The following DSC2 variants were observed in gnomAD, a reference collection of about 807,000 sequenced individuals.
DSC2 encodes the protein desmocollin 2.
A neutral mutation model predicts 87.6 loss-of-function variants in DSC2; 51 were observed. That is an observed-to-expected ratio of 0.58 (90% CI 0.46 to 0.74). DSC2 has a LOEUF of 0.74. DSC2 is among the 30% of genes least tolerant of loss of function. The pLI, the probability that DSC2 is intolerant of heterozygous loss-of-function variation, is 0.00. For synonymous variants in DSC2, 383 were observed against 393.2 expected, an observed-to-expected ratio of 0.97 and a Z score of 0.31; for missense variants, 1,066 against 1,089.5, an observed-to-expected ratio of 0.98 and a Z score of 0.30.
intron 1 of DSC2, among the ~76,000 whole-genome samples, chr18:31,096,341 G>C (rs950295178): frequency 2.0e-5 from 3 of 152,186 alleles, no homozygotes; most frequent in Admixed American, 6.5e-5. Flanking sequence ...ACAGTGATAA[G>C]AGGAACTCAG....
intron 1 of DSC2, among the ~76,000 whole-genome samples, chr18:31,098,549 G>C (rs1987836633): frequency 6.6e-6 from 1 of 151,920 alleles, no homozygotes; most frequent in Admixed American, 6.6e-5. Context: ...CCACCTCCCG[G>C]GTTCAAGTGA....
intron 11 of DSC2, among the ~76,000 whole-genome samples, chr18:31,079,157 T>C (rs1936269680): frequency 6.6e-6 from 1 of 152,220 alleles, no homozygotes; most frequent in Admixed American, 6.5e-5. Context: ...AGGACTGCAC[T>C]ATGTAAGTAT....
chr18:31,071,947 T>A, intron 12 of DSC2, 106 bp from the exon 13 acceptor site: 1 of 1,016,366 alleles, frequency 9.8e-7, no homozygotes, highest in Non-Finnish European at 1.5e-6. Flanking sequence ...AAACAGATAT[T>A]CCTGATGGGA....
intron 3 of DSC2, 105 bp from the exon 4 acceptor site, chr18:31,091,252 G>A: frequency 2.1e-6 from 3 of 1,417,814 alleles, no homozygotes; most frequent in Non-Finnish European, 1.9e-6. Flanking sequence ...AGCTGGGTAG[G>A]GGTGAGACCA....
intron 1 of DSC2, among the ~76,000 whole-genome samples, chr18:31,096,259 T>C (rs1987757348): frequency 6.6e-6 from 1 of 152,122 alleles, no homozygotes; most frequent in Non-Finnish European, 1.5e-5. Context: ...TTTTCAAACA[T>C]CCTAAAGCAT....
chr18:31,101,876 C>G (rs1321829630), intron 1 of DSC2, 27 bp downstream of exon 1: 8 of 1,530,148 alleles, frequency 5.2e-6, no homozygotes, highest in South Asian at 1.2e-5. Flanking sequence ...CCCCCTTCCC[C>G]GGAGCGGTGG....
At chr18:31,085,213 C>G (rs1384414206) in intron 7 of DSC2, among the ~76,000 whole-genome samples, 1 of 151,922 alleles carries the variant, frequency 6.6e-6, no homozygotes, top group Non-Finnish European at 1.5e-5. Flanking sequence ...GTCAGATTGC[C>G]TTTATATATG....
At chr18:31,094,595 A>G (rs935262329) in intron 1 of DSC2, among the ~76,000 whole-genome samples, 1 of 152,242 alleles carries the variant, frequency 6.6e-6, no homozygotes, top group Admixed American at 6.5e-5. Context: ...CTTTGACCAA[A>G]AGCAAGACAG....
chr18:31,100,212 C>T (rs933894974), intron 1 of DSC2, among the ~76,000 whole-genome samples: 1 of 152,126 alleles, frequency 6.6e-6, no homozygotes, highest in Non-Finnish European at 1.5e-5. Context: ...CCACTCCCCG[C>T]CTATCAAACT....
At chr18:31,083,745 T>G (rs974018630) in intron 7 of DSC2, among the ~76,000 whole-genome samples, 4 of 152,198 alleles carry the variant, frequency 2.6e-5, no homozygotes, top group Non-Finnish European at 5.9e-5. Flanking sequence ...TCTTAAGGCT[T>G]TCAATTTATC....
At chr18:31,098,088 C>T (rs1468747487) in intron 1 of DSC2, among the ~76,000 whole-genome samples, 4 of 151,964 alleles carry the variant, frequency 2.6e-5, no homozygotes, top group Admixed American at 6.6e-5. Flanking sequence ...TTTGACTTTG[C>T]TTGTTGTGTT....
rs1002646457 is a variant in DSC2, at chr18:31,092,218, G to A, written c.237C>T (p.Val79=). The A allele has an allele frequency of 7.4e-6, 12 of 1,613,594 alleles. No homozygotes were observed. Among genetic ancestry groups the A allele is most frequent in the African/African-American group, 2.7e-5 (2 of 74,892 alleles). ...PDFQILEDGS[V]YTTNTILLSS... Reference sequence around the variant, plus strand: ...ACAATAGAATAGTATTTGTTGTATAGACTGAACCATCCTCCAAAATTTGGA... The same window carrying A: ...ACAATAGAATAGTATTTGTTGTATAAACTGAACCATCCTCCAAAATTTGGA... The change falls in exon 3 of 16, where the codon GTC becomes GTT. Residue 79 remains valine (V), a synonymous_variant. Coordinates refer to ENST00000280904, the MANE Select transcript of DSC2 (RefSeq NM_024422.6).
intron 3 of DSC2, chr18:31,091,467 G>A: frequency 2.0e-6 from 1 of 490,130 alleles, no homozygotes; most frequent in South Asian, 1.5e-5. Context: ...ATGGGAGAGA[G>A]ATATGCAAAG....
chr18:31,069,358 G>A (rs1986750778), intron 14 of DSC2, among the ~76,000 whole-genome samples: 1 of 152,168 alleles, frequency 6.6e-6, no homozygotes, highest in African/African-American at 2.4e-5. Flanking sequence ...CAAGCAAACT[G>A]TCAAGTGGTT....
intron 1 of DSC2, among the ~76,000 whole-genome samples, chr18:31,094,840 G>A (rs953730479): frequency 3.2e-4 from 48 of 152,284 alleles, no homozygotes; most frequent in African/African-American, 1.1e-3. Context: ...ATTTTCACTG[G>A]CTGCATAGCC....
Position 31,071,760 on chromosome 18 carries a change from C to T in DSC2, c.1970G>A (p.Gly657Asp). The T allele has an allele frequency of 6.2e-7, 1 of 1,613,732 alleles. No homozygotes were observed. The highest frequency in any genetic ancestry group is 1.3e-5 in the African/African-American group (1 of 75,008). Residue 657 changes from glycine (G) to aspartate (D), a missense_variant, in exon 13 of 16, where the codon GGC (glycine) becomes GAC (aspartate). Coordinates refer to ENST00000280904, the MANE Select transcript of DSC2 (RefSeq NM_024422.6). ...ATCCAATGAAGTGACACTAGACATGCCAAGTCTATCTCTCACTGTTATAGG... is the reference window on the plus strand; with the variant it reads ...ATCCAATGAAGTGACACTAGACATGTCAAGTCTATCTCTCACTGTTATAGG... ...VVPITVRDRL[G>D]MSSVTSLDVT...
intron 4 of DSC2, 144 bp from the exon 5 acceptor site, chr18:31,089,738 G>T: frequency 1.2e-6 from 1 of 809,362 alleles, no homozygotes; most frequent in Non-Finnish European, 1.9e-6. Context: ...AACAGCAATA[G>T]AATAAGAAAG....
At chr18:31,069,225 C>G in intron 14 of DSC2, 74 bp from the exon 15 acceptor site, 1 of 1,577,488 alleles carries the variant, frequency 6.3e-7, no homozygotes, top group Non-Finnish European at 8.7e-7. Context: ...CAACATCAAG[C>G]GGATAATGCC....
chr18:31,077,704 C>T (rs2144807446), intron 11 of DSC2, among the ~76,000 whole-genome samples: 1 of 152,250 alleles, frequency 6.6e-6, no homozygotes, highest in African/African-American at 2.4e-5. Flanking sequence ...TATAATTCTA[C>T]ATGGACAAAG....
Sources: gnomAD v4.1 joint callset for allele counts (sites outside exome capture counted in the v4.1 genomes callset) on GRCh38, gnomAD v4.1.1 for gene constraint, MANE v1.5 for transcripts, NCBI Gene and HGNC (gene_info 2026-07-23, HGNC 2026-07-21) for gene names.